Variants in HTT-AS observed in about 807,000 individuals in gnomAD.
HTT-AS encodes HTT antisense RNA (head to head).
chr4:3,056,564 C>T (rs186433600), intron 2 of HTT-AS, among the ~76,000 whole-genome samples: 24 of 152,306 alleles, frequency 1.6e-4, no homozygotes, highest in African/African-American at 5.8e-4. Flanking sequence ...GAGTCCTTCT[C>T]AGGCCATATT....
chr4:3,048,452 A>G (rs1038247556), downstream of HTT-AS, among the ~76,000 whole-genome samples: 9 of 152,186 alleles, frequency 5.9e-5, no homozygotes, highest in Non-Finnish European at 1.0e-4. Context: ...GACTATTATT[A>G]TGATTACTGG....
chr4:3,067,299 G>A lies in HTT-AS; in HGVS notation n.114-3599C>T, dbSNP rs553764913. ...AGAGAGAAGGAGAAGAACAGAAGCC[G>A]TGTTTCAAGGACGGTGACTGAGAGG... On this transcript the variant is annotated intron_variant and non_coding_transcript_variant, in intron 1 of 2. Transcript: ENST00000664062. 5.3e-5 allele frequency among the ~76,000 whole-genome samples: 8 copies of A among 152,318 alleles called. No homozygotes were observed. The South Asian group carries it at 1.0e-3, about 20-fold the overall frequency.
At chr4:3,073,634 C>G (rs1712258854) in intron 1 of HTT-AS, among the ~76,000 whole-genome samples, 1 of 152,220 alleles carries the variant, frequency 6.6e-6, no homozygotes, top group Non-Finnish European at 1.5e-5. Context: ...CCCAGACCCT[C>G]TCCTCCCTTC....
At chr4:3,066,179 C>CA (rs1404609174) in intron 1 of HTT-AS, among the ~76,000 whole-genome samples, 3 of 151,020 alleles carry the variant, frequency 2.0e-5, no homozygotes, top group Non-Finnish European at 4.4e-5. Flanking sequence ...GCTAAGCCTC[C>CA]TTTTTTTTTG....
chr4:3,057,780 C>T (rs549346281), intron 2 of HTT-AS, among the ~76,000 whole-genome samples: 3 of 151,798 alleles, frequency 2.0e-5, no homozygotes, highest in Non-Finnish European at 4.4e-5. Context: ...ACTATAGGCG[C>T]CCGCCTGTAA....
At chr4:3,066,899 C>T (rs1173344125) in intron 1 of HTT-AS, among the ~76,000 whole-genome samples, 2 of 152,110 alleles carry the variant, frequency 1.3e-5, no homozygotes, top group Non-Finnish European at 2.9e-5. Flanking sequence ...GAGAAACATA[C>T]CCTCAGAGGC....
intron 2 of HTT-AS, among the ~76,000 whole-genome samples, chr4:3,051,976 A>G (rs1233405854): frequency 6.6e-6 from 1 of 152,134 alleles, no homozygotes; most frequent in Non-Finnish European, 1.5e-5. Flanking sequence ...CTTGGTCTCC[A>G]CCTTCCAAGT....
At chr4:3,046,898 C>T (rs1560527422), downstream of HTT-AS, among the ~76,000 whole-genome samples, 1 of 151,974 alleles carries the variant, frequency 6.6e-6, no homozygotes, top group Non-Finnish European at 1.5e-5. Context: ...TAATAAATTC[C>T]CCTTTCTGTC....
At chr4:3,065,027 C>T (rs545019194) in intron 1 of HTT-AS, among the ~76,000 whole-genome samples, 1 of 151,894 alleles carries the variant, frequency 6.6e-6, no homozygotes. Context: ...GTGAATATAC[C>T]CAAAGAAAAA....
At chr4:3,049,925 C>CACAA (rs1368360835) in intron 2 of HTT-AS, among the ~76,000 whole-genome samples, 25 of 146,662 alleles carry the variant, frequency 1.7e-4, no homozygotes, top group African/African-American at 6.5e-4. Flanking sequence ...CACACACACA[C>CACAA]ACACACACAC....
At chr4:3,046,738 G>C (rs1711591699), downstream of HTT-AS, among the ~76,000 whole-genome samples, 1 of 151,204 alleles carries the variant, frequency 6.6e-6, no homozygotes. Context: ...CCTGTTTATA[G>C]GGGAATCTGT....
chr4:3,071,322 G>A (rs1712168704), intron 1 of HTT-AS, among the ~76,000 whole-genome samples: 1 of 152,164 alleles, frequency 6.6e-6, no homozygotes, highest in Non-Finnish European at 1.5e-5. Context: ...CCCAGGATGT[G>A]GCTTTTATGC....
At chr4:3,047,264 T>C (rs1404840499), downstream of HTT-AS, among the ~76,000 whole-genome samples, 1 of 152,106 alleles carries the variant, frequency 6.6e-6, no homozygotes, top group East Asian at 1.9e-4. Context: ...TGAGCCGAGA[T>C]TGCGCCACTG....
chr4:3,053,715 T>C lies in HTT-AS; in HGVS notation n.1381-4017A>G, dbSNP rs77365593. ...AGGTTACTGGTGAAAATAAAGACAT[T>C]TGGCCTAAATTAGGCAGGTTAGATA... On this transcript the variant is annotated intron_variant and non_coding_transcript_variant, in intron 2 of 2. Transcript: ENST00000664062. 3.0e-3 allele frequency among the ~76,000 whole-genome samples: 463 copies of C among 152,160 alleles called. 4 individuals carry two copies. The highest frequency in any genetic ancestry group is 5.0e-3 in the Non-Finnish European group (343 of 68,000).
rs57812385 is a variant in HTT-AS at position 3,072,713 on chromosome 4, C to T, written n.113+1713G>A. Among the ~76,000 whole-genome samples the T allele has an allele frequency of 6.8e-3, 1,040 of 152,306 alleles. 15 individuals carry two copies. Among genetic ancestry groups the T allele is most frequent in the African/African-American group, 0.024 (995 of 41,552 alleles). On this transcript the variant is annotated intron_variant and non_coding_transcript_variant, in intron 1 of 2. Transcript: ENST00000664062. ...TGGCATGATCTTGGCTCACTGCAACCTCCACCTCCCAGGTTCAAGCAATTC... is the reference window on the plus strand; with the variant it reads ...TGGCATGATCTTGGCTCACTGCAACTTCCACCTCCCAGGTTCAAGCAATTC...
intron 1 of HTT-AS, among the ~76,000 whole-genome samples, chr4:3,066,903 C>G (rs111581407): frequency 4.6e-5 from 7 of 152,164 alleles, no homozygotes; most frequent in African/African-American, 1.7e-4. Flanking sequence ...AACATACCCT[C>G]AGAGGCCTAG....
At chr4:3,057,849 TC>T (rs1469752761) in intron 2 of HTT-AS, among the ~76,000 whole-genome samples, 3 of 151,416 alleles carry the variant, frequency 2.0e-5, no homozygotes, top group African/African-American at 7.2e-5. Flanking sequence ...GGTCTCAATC[TC>T]CTGACCTTGT....
At chr4:3,050,146 C>T (rs938847801) in intron 2 of HTT-AS, among the ~76,000 whole-genome samples, 38 of 152,172 alleles carry the variant, frequency 2.5e-4, no homozygotes, top group Admixed American at 7.2e-4. Flanking sequence ...GACAAGGTGG[C>T]CGTCCTGGTT....
At chr4:3,073,181 TG>T (rs1481274011) in intron 1 of HTT-AS, among the ~76,000 whole-genome samples, 5 of 152,242 alleles carry the variant, frequency 3.3e-5, no homozygotes, top group South Asian at 2.1e-4. Flanking sequence ...GTGCTGTTTG[TG>T]GCCACAGAGC....
Sources: gnomAD v4.1 joint callset for allele counts (sites outside exome capture counted in the v4.1 genomes callset) on GRCh38, gnomAD v4.1.1 for gene constraint, MANE v1.5 for transcripts, NCBI Gene and HGNC (gene_info 2026-07-23, HGNC 2026-07-21) for gene names.